The following INPP4B variants were observed in gnomAD, a reference collection of about 807,000 sequenced individuals.
INPP4B encodes inositol polyphosphate 4-phosphatase type II.
A neutral mutation model predicts 122.5 loss-of-function variants in INPP4B; 55 were observed. The observed-to-expected ratio is 0.45, with a 90% confidence interval of 0.36 to 0.56. INPP4B has a LOEUF of 0.56. INPP4B is among the 20% of genes least tolerant of loss of function. INPP4B has a pLI of 0.00. For missense variants in INPP4B, 1,000 were observed against 1,097.7 expected (o/e 0.91, Z 1.26); for synonymous variants, 403 against 388.7 (o/e 1.04, Z -0.43).
chr4:142,270,444 G>A (rs1026411457), intron 10 of INPP4B, among the ~76,000 whole-genome samples: 1 of 152,288 alleles, frequency 6.6e-6, no homozygotes, highest in East Asian at 1.9e-4. Context: ...GAAGAGGAAG[G>A]TGCTTCTGAA....
At chr4:142,510,670 G>T (rs1230896538) in intron 2 of INPP4B, among the ~76,000 whole-genome samples, 1 of 152,046 alleles carries the variant, frequency 6.6e-6, no homozygotes, top group Non-Finnish European at 1.5e-5. Context: ...TAAATATCAT[G>T]CCTTATGTTT....
intron 3 of INPP4B, among the ~76,000 whole-genome samples, chr4:142,459,236 G>A (rs1424235944): frequency 6.6e-6 from 1 of 150,630 alleles, no homozygotes; most frequent in Non-Finnish European, 1.5e-5. Context: ...CTGTGTTTCA[G>A]GCTCAGTTTT....
At chr4:142,732,036 A>G (rs1766169558) in intron 1 of INPP4B, among the ~76,000 whole-genome samples, 1 of 152,208 alleles carries the variant, frequency 6.6e-6, no homozygotes, top group Non-Finnish European at 1.5e-5. Flanking sequence ...AGACTATAAA[A>G]GAAAAAGCAG....
At chr4:142,660,185 T>C (rs1383197650) in intron 2 of INPP4B, among the ~76,000 whole-genome samples, 1 of 152,008 alleles carries the variant, frequency 6.6e-6, no homozygotes, top group Non-Finnish European at 1.5e-5. Flanking sequence ...AGCCACCCCC[T>C]CCCCATCCCC....
intron 1 of INPP4B, among the ~76,000 whole-genome samples, chr4:142,836,719 T>TACACACACACAC (rs138777384): frequency 0.21 from 30,683 of 146,126 alleles, 3,328 homozygotes; most frequent in South Asian, 0.29. Flanking sequence ...AAGTACTGTC[T>TACACACACACAC]ACACACACAC....
In INPP4B at chr4:142,208,929, G is replaced by A; in HGVS notation, c.934C>T (p.Gln312Ter). Reference sequence around the variant, plus strand: ...TTGCTAAGTTCTGTCAGAATGTCTTGGTACATATTCACCATTTGATCACAG... The same window carrying A: ...TTGCTAAGTTCTGTCAGAATGTCTTAGTACATATTCACCATTTGATCACAG... ...THCDQMVNMY[Q>*]DILTELSKET... Residue 312 changes from glutamine (Q) to a stop codon, truncating the protein, a stop_gained, in exon 13 of 26, where the codon CAA becomes TAA. Transcript: ENST00000262992. LOFTEE classifies it high-confidence loss of function. 6.3e-7 allele frequency: 1 copy of A among 1,593,434 alleles called. No homozygotes were observed. Among genetic ancestry groups the A allele is most frequent in the Non-Finnish European group, 8.6e-7 (1 of 1,167,654 alleles).
intron 8 of INPP4B, among the ~76,000 whole-genome samples, chr4:142,313,970 A>G (rs989854946): frequency 3.9e-5 from 6 of 152,156 alleles, no homozygotes; most frequent in Admixed American, 6.6e-5. Flanking sequence ...CTACACACTG[A>G]CTGGAAGAAG....
chr4:142,054,169 C>T (rs1465731551), intron 25 of INPP4B, among the ~76,000 whole-genome samples: 1 of 151,920 alleles, frequency 6.6e-6, no homozygotes, highest in Non-Finnish European at 1.5e-5. Context: ...GCTCTGTCAA[C>T]CTCTGTTAAG....
At chr4:142,221,382 T>C (rs1579334604) in intron 12 of INPP4B, among the ~76,000 whole-genome samples, 2 of 87,998 alleles carry the variant, frequency 2.3e-5, no homozygotes, top group Admixed American at 1.8e-4. Flanking sequence ...AGAGCAAGAC[T>C]CCTTCTCAAA....
rs886516448 is a variant in INPP4B at position 142,078,458 on chromosome 4, C to T, written c.2642+3573G>A. ...AAGTTTTAGAAACCCATGTCATTCACGTATTCCTTTATTGTATATTTATTG... is the reference window on the plus strand; with the variant it reads ...AAGTTTTAGAAACCCATGTCATTCATGTATTCCTTTATTGTATATTTATTG... On this transcript the variant is annotated intron_variant, in intron 25 of 25. Coordinates refer to ENST00000262992, the MANE Select transcript of INPP4B (RefSeq NM_001101669.3). Among the ~76,000 whole-genome samples, 7 of 151,914 alleles carry T rather than the reference C, an allele frequency of 4.6e-5. No homozygotes were observed. In the East Asian group the frequency reaches 1.2e-3, roughly 25 times the overall value.
intron 2 of INPP4B, among the ~76,000 whole-genome samples, chr4:142,573,691 C>T (rs974742759): frequency 4.6e-5 from 7 of 152,082 alleles, no homozygotes; most frequent in African/African-American, 7.2e-5. Context: ...GAAATTAGCA[C>T]ATCATTACAG....
rs574393192 is a variant in INPP4B, at chr4:142,026,415, A to G, written c.*2367T>C. ...TGACTATGGTAATGAATGAAAATTC[A>G]TAAGCATTTGTATTACAGTAAGCAC... is the stretch of plus-strand genomic sequence containing the variant. On this transcript the variant is annotated 3_prime_UTR_variant, in exon 26 of 26. Coordinates refer to ENST00000262992, the MANE Select transcript of INPP4B (RefSeq NM_001101669.3). 6.6e-6 allele frequency: 1 copy of G among 152,368 alleles called. No individual in the cohort carries two copies. The highest frequency in any genetic ancestry group is 6.5e-5 in the Admixed American group (1 of 15,298). 9.4% of individuals were successfully genotyped at this position (152,368 alleles called of 1,614,324 possible).
At chr4:142,378,205 C>A (rs1158979334) in intron 7 of INPP4B, among the ~76,000 whole-genome samples, 2 of 152,228 alleles carry the variant, frequency 1.3e-5, no homozygotes, top group East Asian at 3.9e-4. Flanking sequence ...ACATAGTAAG[C>A]AGCCGATCTG....
At chr4:142,387,594 C>G (rs1456621070) in intron 7 of INPP4B, among the ~76,000 whole-genome samples, 1 of 152,010 alleles carries the variant, frequency 6.6e-6, no homozygotes, top group African/African-American at 2.4e-5. Flanking sequence ...GGAAGGGAAC[C>G]CAGATACCTG....
In INPP4B at chr4:142,402,409, A is replaced by G. The variant is rs148802676; in HGVS notation, c.372+529T>C. Among the ~76,000 whole-genome samples, 1,092 of 152,258 alleles carry G rather than the reference A, an allele frequency of 7.2e-3. 13 individuals carry two copies. The highest frequency in any genetic ancestry group is 0.025 in the African/African-American group (1,039 of 41,554). ...AAGATTGAAGAATTTAGGACAAAAG[A>G]CCACTGGGATTTTGCCTGGCCTTCT... On this transcript the variant is annotated intron_variant, in intron 7 of 25. Transcript: ENST00000262992.
intron 1 of INPP4B, among the ~76,000 whole-genome samples, chr4:142,838,125 G>GCGAC (rs1310619522): frequency 6.6e-6 from 1 of 150,762 alleles, no homozygotes; most frequent in Admixed American, 6.6e-5. Context: ...TAATTCAATT[G>GCGAC]AATTGAACTA....
At chr4:142,149,239 A>C (rs182967591) in intron 17 of INPP4B, among the ~76,000 whole-genome samples, 2 of 152,314 alleles carry the variant, frequency 1.3e-5, no homozygotes, top group Non-Finnish European at 2.9e-5. Context: ...GAGGAAAGGA[A>C]GGCAGGTAGA....
intron 2 of INPP4B, among the ~76,000 whole-genome samples, chr4:142,600,768 G>C (rs1739722952): frequency 6.6e-6 from 1 of 152,016 alleles, no homozygotes; most frequent in Non-Finnish European, 1.5e-5. Flanking sequence ...ATTAGATTAA[G>C]AATGATCCAA....
intron 2 of INPP4B, among the ~76,000 whole-genome samples, chr4:142,502,564 C>G (rs112001860): frequency 0.012 from 1,757 of 152,220 alleles, 32 homozygotes; most frequent in African/African-American, 0.04. Flanking sequence ...TTTCAGCTCA[C>G]TGCAACCTCC....
Sources: gnomAD v4.1 joint callset for allele counts (sites outside exome capture counted in the v4.1 genomes callset) on GRCh38, gnomAD v4.1.1 for gene constraint, MANE v1.5 for transcripts, NCBI Gene and HGNC (gene_info 2026-07-23, HGNC 2026-07-21) for gene names.